The following SEMA5A variants were observed in gnomAD, a reference collection of about 807,000 sequenced individuals.
The protein encoded by SEMA5A is semaphorin 5A.
Under a neutral mutation model 135.5 loss-of-function variants are expected in SEMA5A, and 55 were observed. That is an observed-to-expected ratio of 0.41 (90% CI 0.33 to 0.51). SEMA5A has a LOEUF of 0.51. Ranked by LOEUF, SEMA5A falls within the 20% of genes least tolerant of loss-of-function variation. The pLI is 0.37. For missense variants in SEMA5A, 1,290 were observed against 1,419.9 expected, an observed-to-expected ratio of 0.91 and a Z score of 1.47; for synonymous variants, 580 against 546.5, an observed-to-expected ratio of 1.06 and a Z score of -0.85.
intron 11 of SEMA5A, among the ~76,000 whole-genome samples, chr5:9,189,242 A>G (rs968467206): frequency 3.3e-5 from 5 of 152,224 alleles, no homozygotes; most frequent in Non-Finnish European, 7.3e-5. Context: ...CCTTCCTGGC[A>G]TCTTACTGAC....
chr5:9,245,684 T>A (rs1478155923), intron 5 of SEMA5A, among the ~76,000 whole-genome samples: 1 of 152,162 alleles, frequency 6.6e-6, no homozygotes, highest in East Asian at 1.9e-4. Flanking sequence ...ATTTACTGAG[T>A]GAAGGATTCT....
At chr5:9,544,232 G>A (rs140751466) in intron 1 of SEMA5A, among the ~76,000 whole-genome samples, 1 of 151,948 alleles carries the variant, frequency 6.6e-6, no homozygotes, top group Non-Finnish European at 1.5e-5. Flanking sequence ...AAACAAACCA[G>A]AACAATCATT....
chr5:9,160,654 T>TA (rs3839315), intron 11 of SEMA5A, among the ~76,000 whole-genome samples: 2 of 150,792 alleles, frequency 1.3e-5, no homozygotes, highest in East Asian at 1.9e-4. Flanking sequence ...TATATATATA[T>TA]TTTTTGCTGG....
chr5:9,362,387 C>A (rs915393510), intron 3 of SEMA5A, among the ~76,000 whole-genome samples: 3 of 152,098 alleles, frequency 2.0e-5, no homozygotes, highest in Non-Finnish European at 4.4e-5. Context: ...GAGATTTCAA[C>A]CATCAACTCG....
intron 16 of SEMA5A, among the ~76,000 whole-genome samples, chr5:9,079,842 A>G (rs962575932): frequency 4.6e-5 from 7 of 152,222 alleles, no homozygotes; most frequent in Admixed American, 3.9e-4. Flanking sequence ...CAAAAACACA[A>G]TGAGACACCA....
chr5:9,333,428 T>C (rs1468975003), intron 4 of SEMA5A, among the ~76,000 whole-genome samples: 1 of 152,216 alleles, frequency 6.6e-6, no homozygotes, highest in African/African-American at 2.4e-5. Flanking sequence ...CAGCACAGAA[T>C]ACATATCAGA....
chr5:9,315,775 T>C (rs1222361427), intron 5 of SEMA5A, among the ~76,000 whole-genome samples: 2 of 152,186 alleles, frequency 1.3e-5, no homozygotes, highest in Non-Finnish European at 2.9e-5. Context: ...CTCTGTCCCA[T>C]TGCTGGTGAA....
intron 3 of SEMA5A, among the ~76,000 whole-genome samples, chr5:9,364,755 A>G (rs1475363832): frequency 3.3e-5 from 5 of 152,226 alleles, no homozygotes. Flanking sequence ...CTCAAAAGTC[A>G]TAAAAAGCAC....
intron 16 of SEMA5A, among the ~76,000 whole-genome samples, chr5:9,068,209 T>C (rs1403199830): frequency 6.6e-6 from 1 of 152,220 alleles, no homozygotes; most frequent in African/African-American, 2.4e-5. Context: ...GTCTTTGTTT[T>C]CTGCTCTGAT....
chr5:9,222,943 A>T (rs893397312), intron 8 of SEMA5A, among the ~76,000 whole-genome samples: 1 of 152,210 alleles, frequency 6.6e-6, no homozygotes, highest in Non-Finnish European at 1.5e-5. Flanking sequence ...AGAGCTTTTT[A>T]CTTTGCTTCT....
intron 3 of SEMA5A, among the ~76,000 whole-genome samples, chr5:9,358,372 C>T (rs1290050785): frequency 2.6e-5 from 4 of 152,172 alleles, no homozygotes; most frequent in Admixed American, 6.5e-5. Flanking sequence ...ACTTCCCTTT[C>T]CTTACCTGGT....
chr5:9,237,711 G>C, intron 6 of SEMA5A, 117 bp downstream of exon 6: 1 of 827,314 alleles, frequency 1.2e-6, no homozygotes, highest in Middle Eastern at 2.4e-4. Flanking sequence ...TTTGAATCTT[G>C]CTTTTTTCAC....
intron 5 of SEMA5A, among the ~76,000 whole-genome samples, chr5:9,302,789 T>C (rs985126478): frequency 6.6e-5 from 10 of 152,190 alleles, no homozygotes; most frequent in Non-Finnish European, 8.8e-5. Flanking sequence ...TTCAATGTGT[T>C]TTCCCTGACT....
chr5:9,309,393 T>C (rs1318940785), intron 5 of SEMA5A, among the ~76,000 whole-genome samples: 1 of 152,148 alleles, frequency 6.6e-6, no homozygotes, highest in Non-Finnish European at 1.5e-5. Context: ...TATCTGTCAA[T>C]GTCTGAATGC....
At chr5:9,445,525 C>T (rs1161024936) in intron 1 of SEMA5A, among the ~76,000 whole-genome samples, 2 of 151,910 alleles carry the variant, frequency 1.3e-5, no homozygotes, top group Non-Finnish European at 2.9e-5. Context: ...AAAAATTAGC[C>T]GGGTGTGGTG....
At chr5:9,244,378 G>C (rs1258783879) in intron 5 of SEMA5A, among the ~76,000 whole-genome samples, 4 of 152,078 alleles carry the variant, frequency 2.6e-5, no homozygotes, top group Non-Finnish European at 2.9e-5. Flanking sequence ...TTCTCAGCAT[G>C]GTCTCTGAAC....
At chr5:9,337,438 A>T (rs1753440163) in intron 4 of SEMA5A, among the ~76,000 whole-genome samples, 1 of 152,094 alleles carries the variant, frequency 6.6e-6, no homozygotes, top group Admixed American at 6.5e-5. Context: ...GATAGTACCT[A>T]CCTCTTAGGT....
At position 9,136,529 on chromosome 5, in the gene SEMA5A, C is replaced by A; in HGVS notation, c.1574G>T (p.Trp525Leu). 6.2e-7 allele frequency: 1 copy of A among 1,614,136 alleles called. No individual in the cohort carries two copies. Among genetic ancestry groups the A allele is most frequent in the South Asian group, 1.1e-5 (1 of 91,076 alleles). The change falls in exon 13 of 23, where the codon TGG becomes TTG. Residue 525 changes from tryptophan to leucine, a missense_variant. This residue lies in a region of SEMA5A where 1,029 missense variants were observed against 1,086.6 expected (regional missense o/e 0.95). Coordinates refer to ENST00000382496, the MANE Select transcript of SEMA5A (RefSeq NM_003966.3). ...SLEESLSMTQWEQSISACPTR... is the reference protein window; with the variant it reads ...SLEESLSMTQLEQSISACPTR... ...CGGACACGCAGAGATGCTCTGTTCC[C>A]ACTGCGTCATGCTCAGGCTCTCCTC...
intron 5 of SEMA5A, among the ~76,000 whole-genome samples, chr5:9,312,865 C>T (rs187679716): frequency 1.3e-3 from 195 of 152,270 alleles, no homozygotes; most frequent in African/African-American, 4.5e-3. Flanking sequence ...TGGGAGCCAC[C>T]CCACAAAAGC....
Sources: allele counts gnomAD v4.1 joint callset (sites outside exome capture counted in the v4.1 genomes callset), GRCh38; gene constraint gnomAD v4.1.1; regional missense constraint gnomAD v4.1.1; transcripts MANE v1.5; gene names NCBI Gene and HGNC (gene_info 2026-07-23, HGNC 2026-07-21).